The following TBC1D14 variants were observed in gnomAD, a reference collection of about 807,000 sequenced individuals.
TBC1D14 encodes the protein TBC1 domain family, member 14.
Under a neutral mutation model 79.0 loss-of-function variants are expected in TBC1D14, and 26 were observed. The ratio of observed to expected loss-of-function variants is 0.33; its 90% CI spans 0.24 to 0.46. The LOEUF (loss-of-function observed/expected upper bound fraction) is 0.46, where lower values mean the gene tolerates loss of function less well. Among genes scored for constraint, TBC1D14 ranks in the 20% least tolerant of loss-of-function variants. TBC1D14 has a pLI of 1.00. For missense variants in TBC1D14, 769 were observed against 887.6 expected (o/e 0.87, Z 1.70); for synonymous variants, 394 against 349.9 (o/e 1.13, Z -1.40).
intron 2 of TBC1D14, among the ~76,000 whole-genome samples, chr4:6,955,210 T>A (rs1031793734): frequency 6.6e-6 from 1 of 152,192 alleles, no homozygotes; most frequent in African/African-American, 2.4e-5. Flanking sequence ...CCCCTATGAA[T>A]GTGTGTGGCA....
chr4:7,007,579 AAG>A (rs956947193), intron 9 of TBC1D14: 18 of 1,289,240 alleles, frequency 1.4e-5, no homozygotes, highest in Middle Eastern at 2.1e-4. Flanking sequence ...CAGAAGAGGA[AAG>A]AGAGGGAATC....
intron 3 of TBC1D14, among the ~76,000 whole-genome samples, chr4:6,970,242 T>C (rs1323096572): frequency 2.0e-5 from 3 of 152,344 alleles, no homozygotes; most frequent in African/African-American, 7.2e-5. Context: ...ACTTGGACTT[T>C]GGAGTTAGAC....
At chr4:6,987,288 G>T in intron 3 of TBC1D14, 5 of 1,349,474 alleles carry the variant, frequency 3.7e-6, no homozygotes, top group Non-Finnish European at 4.8e-6. Flanking sequence ...GAGGGAGGCC[G>T]GCCCTCCGCT....
intron 3 of TBC1D14, among the ~76,000 whole-genome samples, chr4:6,968,332 G>T (rs554533822): frequency 1.3e-5 from 2 of 152,160 alleles, no homozygotes; most frequent in Non-Finnish European, 2.9e-5. Context: ...GACAACTGAG[G>T]TTAAAGGTGT....
At chr4:6,985,284 G>A (rs953377516) in intron 3 of TBC1D14, among the ~76,000 whole-genome samples, 5 of 152,138 alleles carry the variant, frequency 3.3e-5, no homozygotes, top group African/African-American at 4.8e-5. Context: ...TTCCTCAGTT[G>A]TATCAAGCTG....
At chr4:7,027,364 T>C (rs1049652057) in intron 13 of TBC1D14, among the ~76,000 whole-genome samples, 1 of 104,760 alleles carries the variant, frequency 9.5e-6, no homozygotes, top group Non-Finnish European at 1.8e-5. Flanking sequence ...CGCACACACA[T>C]TGCACATCCA....
intron 11 of TBC1D14, among the ~76,000 whole-genome samples, chr4:7,014,192 A>C (rs1432808187): frequency 6.6e-6 from 1 of 152,240 alleles, no homozygotes. Context: ...GGCAAGTTCC[A>C]TAACTGCTTT....
At chr4:6,988,348 C>T (rs1224468900) in intron 3 of TBC1D14, among the ~76,000 whole-genome samples, 1 of 152,220 alleles carries the variant, frequency 6.6e-6, no homozygotes, top group Non-Finnish European at 1.5e-5. Flanking sequence ...TGCTTTGGCT[C>T]TGCAGCTTAT....
chr4:6,953,023 C>CTTTTTTTTTTTT (rs371101904), intron 2 of TBC1D14, among the ~76,000 whole-genome samples: 1 of 107,112 alleles, frequency 9.3e-6, no homozygotes, highest in Non-Finnish European at 1.8e-5. Context: ...TTTTTTCTTT[C>CTTTTTTTTTTTT]TTTTTTTTTT....
rs142098592 is a variant in TBC1D14, at chr4:6,959,528, C to T, written c.723-7776C>T. On this transcript the variant is annotated intron_variant, in intron 2 of 13. Transcript: ENST00000409757. ...GGCTGCTGCTGTTTCCAGCAGGGCC[C>T]CCGCCTCTGGGAAGCACAGTGTGGG... 3.1e-3 allele frequency among the ~76,000 whole-genome samples: 475 copies of T among 152,208 alleles called. 1 individual carries two copies. Among genetic ancestry groups the T allele is most frequent in the Middle Eastern group, 0.014 (4 of 294 alleles).
chr4:6,976,883 T>C (rs1716756875), intron 3 of TBC1D14, among the ~76,000 whole-genome samples: 1 of 152,104 alleles, frequency 6.6e-6, no homozygotes, highest in Non-Finnish European at 1.5e-5. Context: ...AATGCAAAGT[T>C]GGTGACTTAA....
At chr4:6,916,952 A>G (rs10937762) in intron 1 of TBC1D14, among the ~76,000 whole-genome samples, 64,133 of 151,996 alleles carry the variant, frequency 0.42, 14,077 homozygotes, top group East Asian at 0.67. Context: ...AGTGATTGGG[A>G]CTTTGGAAAA....
chr4:6,922,741 G>T (rs1325229490), intron 1 of TBC1D14, among the ~76,000 whole-genome samples: 1 of 152,050 alleles, frequency 6.6e-6, no homozygotes, highest in Non-Finnish European at 1.5e-5. Context: ...TCCCCCAAAA[G>T]AAAAAACCCA....
At chr4:6,927,204 C>G (rs991727714) in intron 2 of TBC1D14, among the ~76,000 whole-genome samples, 1 of 152,146 alleles carries the variant, frequency 6.6e-6, no homozygotes, top group African/African-American at 2.4e-5. Flanking sequence ...TAGAGAGAGT[C>G]CCTCCCCTTA....
chr4:6,988,879 TTCTTTC>T lies in TBC1D14; in HGVS notation c.844-5303_844-5298del, dbSNP rs1445077685. On this transcript the variant is annotated intron_variant, in intron 3 of 13. Coordinates refer to ENST00000409757, the MANE Select transcript of TBC1D14 (RefSeq NM_020773.3). ...AGTACTTTCTTTTTTCTTTCTTTCT[TTCTTTC>T]TTTTTTTTTTTTTTTTTTTTTTTGA... is the stretch of plus-strand genomic sequence containing the variant. Among the ~76,000 whole-genome samples the T allele has an allele frequency of 2.6e-5, 3 of 115,142 alleles. No homozygotes were observed. In the East Asian group the frequency reaches 6.8e-4, roughly 26 times the overall value. 75.5% of individuals were successfully genotyped at this position (115,142 alleles called of 152,430 possible).
chr4:6,938,120 C>T (rs141943758), intron 2 of TBC1D14, among the ~76,000 whole-genome samples: 1,799 of 152,182 alleles, frequency 0.012, 16 homozygotes, highest in Middle Eastern at 0.037. Flanking sequence ...CTGGCCTTGC[C>T]GAGACACAGC....
intron 11 of TBC1D14, among the ~76,000 whole-genome samples, chr4:7,013,256 G>C (rs918913326): frequency 4.6e-5 from 7 of 152,352 alleles, no homozygotes; most frequent in Non-Finnish European, 1.0e-4. Flanking sequence ...CCATATCCCC[G>C]TGCCAGCAGC....
chr4:6,978,688 C>T (rs6839624), intron 3 of TBC1D14, among the ~76,000 whole-genome samples: 120,279 of 142,048 alleles, frequency 0.85, 51,093 homozygotes, highest in East Asian at 0.97. Context: ...ACTATTGTCC[C>T]GTGATCCTGC....
At chr4:7,002,970 G>A (rs949697803) in intron 7 of TBC1D14, among the ~76,000 whole-genome samples, 5 of 152,176 alleles carry the variant, frequency 3.3e-5, no homozygotes. Context: ...GTGGGGCCAG[G>A]ACTCTGATCC....
Sources: allele counts gnomAD v4.1 joint callset (sites outside exome capture counted in the v4.1 genomes callset), GRCh38; gene constraint gnomAD v4.1.1; transcripts MANE v1.5; gene names NCBI Gene and HGNC (gene_info 2026-07-23, HGNC 2026-07-21).